PRTG: variants seen among roughly 807,000 people sequenced by gnomAD.
PRTG encodes protogenin.
Under a neutral mutation model 122.5 loss-of-function variants are expected in PRTG, and 67 were observed. The observed-to-expected ratio is 0.55, with a 90% confidence interval of 0.45 to 0.67. PRTG has a LOEUF of 0.67. Ranked by LOEUF, PRTG falls within the 30% of genes least tolerant of loss-of-function variation. The pLI, the probability that PRTG is intolerant of heterozygous loss-of-function variation, is 0.00. For synonymous variants in PRTG, 554 were observed against 501.1 expected, an observed-to-expected ratio of 1.11 and a Z score of -1.41; for missense variants, 1,435 against 1,415.4, an observed-to-expected ratio of 1.01 and a Z score of -0.22.
At chr15:55,706,014 A>ATTTTT (rs56275705) in intron 2 of PRTG, among the ~76,000 whole-genome samples, 36,546 of 93,344 alleles carry the variant, frequency 0.39, 8,997 homozygotes, top group Non-Finnish European at 0.54. Flanking sequence ...TGCCCAGCTA[A>ATTTTT]TTTTTTTTTT....
intron 2 of PRTG, chr15:55,738,616 GA>G (rs1448410205): frequency 1.5e-6 from 1 of 673,728 alleles, no homozygotes; most frequent in East Asian, 2.7e-5. Context: ...AAAACTGAAT[GA>G]ACAGAATATA....
intron 7 of PRTG, 62 bp from the exon 8 acceptor site, chr15:55,678,106 T>G: frequency 9.7e-7 from 1 of 1,035,928 alleles, no homozygotes; most frequent in Non-Finnish European, 1.4e-6. Context: ...AAATAAAGTT[T>G]AGCTATTGCT....
chr15:55,682,981 T>G (rs955974929), intron 3 of PRTG, among the ~76,000 whole-genome samples: 1 of 152,198 alleles, frequency 6.6e-6, no homozygotes, highest in Non-Finnish European at 1.5e-5. Flanking sequence ...TTGTTTTCAT[T>G]TGGGTCACTA....
Position 55,639,639 on chromosome 15 carries a change from T to A in PRTG, c.2324+3A>T. On this transcript the variant is annotated splice_donor_region_variant and intron_variant, in intron 13 of 19. Coordinates refer to ENST00000389286, the MANE Select transcript of PRTG (RefSeq NM_173814.6). The stretch of plus-strand genomic sequence containing the variant: ...AAAATAACCATTAACAGGAGCTACA[T>A]ACGTTTGAAGGTACAGAACCAAAGA... 6.2e-7 allele frequency: 1 copy of A among 1,612,616 alleles called. No homozygotes were observed. Among genetic ancestry groups the A allele is most frequent in the Non-Finnish European group, 8.5e-7 (1 of 1,178,862 alleles).
At chr15:55,731,275 C>G (rs1036642695) in intron 2 of PRTG, among the ~76,000 whole-genome samples, 1 of 151,520 alleles carries the variant, frequency 6.6e-6, no homozygotes, top group African/African-American at 2.4e-5. Context: ...ATATTTTAAT[C>G]TGAGTTACTT....
chr15:55,657,261 TG>T (rs2059385471), intron 11 of PRTG, among the ~76,000 whole-genome samples: 1 of 152,182 alleles, frequency 6.6e-6, no homozygotes, highest in Non-Finnish European at 1.5e-5. Flanking sequence ...TATTGTTTTA[TG>T]GGGTCAGAAT....
intron 11 of PRTG, among the ~76,000 whole-genome samples, chr15:55,645,812 C>T (rs553345726): frequency 7.9e-4 from 120 of 152,142 alleles, no homozygotes; most frequent in African/African-American, 2.8e-3. Flanking sequence ...TGCTTGGTTA[C>T]ATGAGACTCA....
Position 55,620,110 on chromosome 15 carries a change from C to T in PRTG, c.3355G>A (p.Gly1119Ser), listed in dbSNP as rs780490584. Residue 1119 changes from glycine (G) to serine (S), a missense_variant, in exon 20 of 20, where the codon GGC becomes AGC. Coordinates refer to ENST00000389286, the MANE Select transcript of PRTG (RefSeq NM_173814.6). The stretch of plus-strand genomic sequence containing the variant: ...CCAGAATCCCCAGTCTCATGGCTGC[C>T]TTCACTATTTGCTGAATGTTCTGTA... ...ADTEHSANSE[G>S]SHETGDSGRF... 9 of 1,614,076 alleles carry T rather than the reference C, an allele frequency of 5.6e-6. No individual in the cohort carries two copies. The Admixed American group carries it at 1.3e-4, about 24-fold the overall frequency.
At chr15:55,672,672 C>T (rs766364574) in intron 10 of PRTG, 39 bp from the exon 11 acceptor site, 1 of 1,483,780 alleles carries the variant, frequency 6.7e-7, no homozygotes. Flanking sequence ...ATAAACAACC[C>T]AATATCCACA....
intron 2 of PRTG, among the ~76,000 whole-genome samples, chr15:55,719,034 C>T (rs1404715498): frequency 2.0e-5 from 3 of 152,108 alleles, no homozygotes; most frequent in Non-Finnish European, 4.4e-5. Context: ...CATGAGCCAC[C>T]GTGCCCAGCC....
Position 55,742,970 on chromosome 15 carries a change from A to T in PRTG, c.-39T>A. 7.0e-7 allele frequency: 1 copy of T among 1,434,552 alleles called. No individual in the cohort carries two copies. Among genetic ancestry groups the T allele is most frequent in the Non-Finnish European group, 9.1e-7 (1 of 1,096,634 alleles). The allele number at this position is 1,434,552 out of a possible 1,614,324, so 88.9% of individuals were successfully genotyped here. On this transcript the variant is annotated 5_prime_UTR_variant, in exon 1 of 20. Transcript: ENST00000389286. ...GCGGGCATGCTCCCCGGCCGCCCAG[A>T]GCCCCTGTCCGTCTGCGGCCCCCGC...
intron 2 of PRTG, among the ~76,000 whole-genome samples, chr15:55,734,753 A>G (rs1427204624): frequency 6.6e-6 from 1 of 152,150 alleles, no homozygotes; most frequent in Admixed American, 6.5e-5. Flanking sequence ...GAGGTTAAAA[A>G]AAAACACACA....
chr15:55,718,068 T>C (rs2030665745), intron 2 of PRTG, among the ~76,000 whole-genome samples: 1 of 152,172 alleles, frequency 6.6e-6, no homozygotes, highest in Non-Finnish European at 1.5e-5. Flanking sequence ...TTAAATCTGG[T>C]AAGCGGCCTT....
chr15:55,710,869 C>T (rs1156604534), intron 2 of PRTG, among the ~76,000 whole-genome samples: 1 of 151,962 alleles, frequency 6.6e-6, no homozygotes, highest in African/African-American at 2.4e-5. Flanking sequence ...ACTTGCCTCT[C>T]TTCCTCTAAA....
rs1223886302 is a variant in PRTG at position 55,637,214 on chromosome 15, C to G, written c.2579G>C (p.Arg860Thr). Reference sequence around the variant, plus strand: ...CCACTCTCCTGCAATCCAGGCCTTCCTAGATGCATATAAGATAGTATAGCG... The same window carrying G: ...CCACTCTCCTGCAATCCAGGCCTTCGTAGATGCATATAAGATAGTATAGCG... ...VTRYTILYAS[R>T]KAWIAGEWQV... The change falls in exon 15 of 20, where the codon AGG becomes ACG. Residue 860 changes from arginine (R) to threonine (T), a missense_variant. Arg to Thr is a moderately conservative substitution (Grantham distance 71). Coordinates refer to ENST00000389286, the MANE Select transcript of PRTG (RefSeq NM_173814.6). The G allele has an allele frequency of 1.2e-6, 2 of 1,611,698 alleles. No individual in the cohort carries two copies. The highest frequency in any genetic ancestry group is 1.7e-6 in the Non-Finnish European group (2 of 1,179,072).
At chr15:55,641,249 T>G in intron 11 of PRTG, 41 bp from the exon 12 acceptor site, 4 of 1,427,550 alleles carry the variant, frequency 2.8e-6, no homozygotes, top group Non-Finnish European at 3.9e-6. Flanking sequence ...ACCAGGTCTC[T>G]AGATCTGAGC....
At position 55,614,908 on chromosome 15, in the gene PRTG, T is replaced by C. The variant is rs950858574; in HGVS notation, c.*5104A>G. On this transcript the variant is annotated 3_prime_UTR_variant, in exon 20 of 20. Transcript: ENST00000389286. ...AATACTGGCCACCTACAGAAGTCCA[T>C]GCCCAAATCCCTGGAACCAGTGAAT... 6 of 152,110 alleles carry C rather than the reference T, an allele frequency of 3.9e-5. No individual in the cohort carries two copies. The highest frequency in any genetic ancestry group is 7.4e-5 in the Non-Finnish European group (5 of 67,980). 9.4% of individuals were successfully genotyped at this position (152,110 alleles called of 1,614,324 possible).
In PRTG at chr15:55,616,711, T is replaced by C. The variant is rs2059143325; in HGVS notation, c.*3301A>G. ...ATGCGGAGGTAACCTTAAATATCTTTGGTTTTTTTCTTTTTAATTTGCTGA... is the reference window on the plus strand; with the variant it reads ...ATGCGGAGGTAACCTTAAATATCTTCGGTTTTTTTCTTTTTAATTTGCTGA... On this transcript the variant is annotated 3_prime_UTR_variant, in exon 20 of 20. Transcript: ENST00000389286. The C allele has an allele frequency of 6.6e-6, 1 of 152,184 alleles. No homozygotes were observed. Among genetic ancestry groups the C allele is most frequent in the South Asian group, 2.1e-4 (1 of 4,834 alleles). The allele number at this position is 152,184 out of a possible 1,614,324, so 9.4% of individuals were successfully genotyped here.
chr15:55,694,263 G>A (rs2059620290), intron 2 of PRTG, among the ~76,000 whole-genome samples: 1 of 152,010 alleles, frequency 6.6e-6, no homozygotes, highest in Non-Finnish European at 1.5e-5. Flanking sequence ...AGGAAAATTA[G>A]TGTTCTTTTC....
Sources: allele counts gnomAD v4.1 joint callset (sites outside exome capture counted in the v4.1 genomes callset), GRCh38; gene constraint gnomAD v4.1.1; transcripts MANE v1.5; gene names NCBI Gene and HGNC (gene_info 2026-07-23, HGNC 2026-07-21).